Variants in RMDN2 observed in about 807,000 individuals in gnomAD.
RMDN2 encodes the protein regulator of microtubule dynamics protein 2.
RMDN2 carries 61 observed loss-of-function variants against 52.8 expected under a neutral mutation model. The observed-to-expected ratio is 1.16, with a 90% CI of 0.94 to 1.43. The LOEUF (loss-of-function observed/expected upper bound fraction) is 1.43. Among genes scored for constraint, RMDN2 ranks in the 40% most tolerant of loss-of-function variants. The pLI, the probability that RMDN2 is intolerant of heterozygous loss-of-function variation, is 0.00. For missense variants in RMDN2, 592 were observed against 475.3 expected (o/e 1.25, Z -2.28); for synonymous variants, 180 against 153.1 (o/e 1.18, Z -1.30).
At chr2:37,967,986 T>C (rs758734259) in intron 2 of RMDN2, among the ~76,000 whole-genome samples, 2 of 152,218 alleles carry the variant, frequency 1.3e-5, no homozygotes, top group Non-Finnish European at 2.9e-5. Flanking sequence ...AAAGTTTATG[T>C]TTTGTATTTT....
chr2:38,036,599 CTTCA>C (rs940847021), intron 10 of RMDN2: 1 of 152,226 alleles, frequency 6.6e-6, no homozygotes, highest in Non-Finnish European at 1.5e-5. Flanking sequence ...GAGACTTCTG[CTTCA>C]TTTACATTCA....
In RMDN2 at chr2:38,015,310, T is replaced by C. The variant is rs527845164; in HGVS notation, c.1180-1876T>C. On this transcript the variant is annotated intron_variant, in intron 10 of 10. Coordinates refer to ENST00000354545, the MANE Select transcript of RMDN2 (RefSeq NM_001170791.3). ...GACTGGGCGTGGTGGCTCACAGCTA[T>C]AATCCCAGCACTTTGGGAGGCAGAG... is the stretch of plus-strand genomic sequence containing the variant. Among the ~76,000 whole-genome samples the C allele has an allele frequency of 6.6e-5, 10 of 152,300 alleles. No individual in the cohort carries two copies. The East Asian group carries it at 1.7e-3, about 26-fold the overall frequency.
intron 2 of RMDN2, among the ~76,000 whole-genome samples, chr2:37,945,919 T>C (rs926475738): frequency 6.6e-6 from 1 of 152,120 alleles, no homozygotes; most frequent in Non-Finnish European, 1.5e-5. Context: ...GGAAGTAAGG[T>C]GAAGGTGCAT....
At chr2:38,044,648 G>A (rs1681162880) in intron 10 of RMDN2, among the ~76,000 whole-genome samples, 1 of 151,552 alleles carries the variant, frequency 6.6e-6, no homozygotes, top group Non-Finnish European at 1.5e-5. Flanking sequence ...CAAGGTCAGT[G>A]ATTCTTTACT....
chr2:38,014,430 T>C (rs1173908707), intron 10 of RMDN2, among the ~76,000 whole-genome samples: 1 of 152,230 alleles, frequency 6.6e-6, no homozygotes, highest in African/African-American at 2.4e-5. Flanking sequence ...TAAATTGATC[T>C]TAAAAACACT....
intron 10 of RMDN2, among the ~76,000 whole-genome samples, chr2:38,059,553 G>T (rs1573253219): frequency 6.6e-6 from 1 of 152,166 alleles, no homozygotes; most frequent in African/African-American, 2.4e-5. Context: ...ATATTAACAG[G>T]AAATAAATGT....
chr2:38,000,802 A>G (rs564816907), intron 8 of RMDN2, among the ~76,000 whole-genome samples: 1 of 152,382 alleles, frequency 6.6e-6, no homozygotes, highest in African/African-American at 2.4e-5. Flanking sequence ...GCTTCTGTGA[A>G]CATTCAAATG....
intron 5 of RMDN2, among the ~76,000 whole-genome samples, chr2:37,982,745 C>T (rs1009133668): frequency 2.6e-5 from 4 of 152,136 alleles, no homozygotes; most frequent in Non-Finnish European, 5.9e-5. Flanking sequence ...TTGGTACAGA[C>T]TTAAGATCAT....
intron 8 of RMDN2, among the ~76,000 whole-genome samples, chr2:37,999,467 G>A (rs749643127): frequency 5.3e-5 from 8 of 152,108 alleles, no homozygotes; most frequent in Admixed American, 6.5e-5. Context: ...GGGGAGCCCC[G>A]CATTAGGTCA....
chr2:37,954,724 TC>T (rs1194851400), intron 2 of RMDN2, among the ~76,000 whole-genome samples: 1 of 152,166 alleles, frequency 6.6e-6, no homozygotes, highest in Non-Finnish European at 1.5e-5. Flanking sequence ...GATAGATTTT[TC>T]TATTTGTACA....
rs531554355 is a variant in RMDN2 at position 38,017,098 on chromosome 2, C to G, written c.1180-88C>G. ...TTAAAGTTCTCATGTTGGGGAATCTCCTCAAGTCAGTGTAAGTCTGTTTCA... is the reference window on the plus strand; with the variant it reads ...TTAAAGTTCTCATGTTGGGGAATCTGCTCAAGTCAGTGTAAGTCTGTTTCA... On this transcript the variant is annotated intron_variant, in intron 10 of 10. Transcript: ENST00000354545. The G allele has an allele frequency of 5.0e-5, 36 of 725,294 alleles. 1 individual carries two copies. In the South Asian group the frequency reaches 9.9e-4, roughly 20 times the overall value. The allele number at this position is 725,294 out of a possible 1,614,324, so 44.9% of individuals were successfully genotyped here. A position where few individuals can be genotyped will look rare whatever the true frequency, so the allele number is the denominator to read the frequency against.
intron 2 of RMDN2, among the ~76,000 whole-genome samples, chr2:37,944,346 A>G (rs1462390506): frequency 6.6e-6 from 1 of 152,208 alleles, no homozygotes; most frequent in South Asian, 2.1e-4. Flanking sequence ...AAAAAAAAAA[A>G]AAGAATTTTA....
At chr2:38,003,934 G>A in intron 8 of RMDN2, 57 bp from the exon 9 acceptor site, 1 of 1,240,076 alleles carries the variant, frequency 8.1e-7, no homozygotes, top group Non-Finnish European at 1.2e-6. Flanking sequence ...CTTCACTTGT[G>A]GTTACTGTTA....
At chr2:37,944,549 T>C (rs530013302) in intron 2 of RMDN2, among the ~76,000 whole-genome samples, 124 of 152,352 alleles carry the variant, frequency 8.1e-4, no homozygotes, top group Non-Finnish European at 1.5e-3. Flanking sequence ...AGCCTTTCAC[T>C]TCTAATGTGT....
intron 5 of RMDN2, among the ~76,000 whole-genome samples, chr2:37,988,642 C>T (rs115010001): frequency 1.3e-5 from 2 of 152,122 alleles, no homozygotes; most frequent in South Asian, 2.1e-4. Context: ...AAATAACATC[C>T]AAAGTTACAT....
intron 7 of RMDN2, 141 bp from the exon 8 acceptor site, chr2:37,997,275 A>T (rs1013007980): frequency 1.6e-6 from 1 of 643,018 alleles, no homozygotes; most frequent in African/African-American, 1.9e-5. Context: ...TTATTTATGG[A>T]TATATGTTTT....
chr2:37,992,368 A>C (rs1319717492), intron 7 of RMDN2, among the ~76,000 whole-genome samples: 2 of 152,246 alleles, frequency 1.3e-5, no homozygotes, highest in Non-Finnish European at 2.9e-5. Context: ...GTAAGATGGC[A>C]AAGTCAAATA....
chr2:37,958,283 A>G (rs1346241242), intron 2 of RMDN2, among the ~76,000 whole-genome samples: 1 of 152,026 alleles, frequency 6.6e-6, no homozygotes, highest in African/African-American at 2.4e-5. Context: ...ATGAGTGTGG[A>G]GTGTTTTTCC....
chr2:38,026,546 T>C (rs147447164), intron 10 of RMDN2, among the ~76,000 whole-genome samples: 269 of 152,300 alleles, frequency 1.8e-3, no homozygotes, highest in African/African-American at 5.9e-3. Flanking sequence ...TTTACGCTTC[T>C]AATTTCTTAA....
Sources: gnomAD v4.1 joint callset for allele counts (sites outside exome capture counted in the v4.1 genomes callset) on GRCh38, gnomAD v4.1.1 for gene constraint, MANE v1.5 for transcripts, NCBI Gene and HGNC (gene_info 2026-07-23, HGNC 2026-07-21) for gene names.